Variants in DIAPH2 observed in about 807,000 individuals in gnomAD.
The protein encoded by DIAPH2 is diaphanous related formin 2, also known as protein diaphanous homolog 2.
DIAPH2 carries 35 observed loss-of-function variants against 92.7 expected under a neutral mutation model. The observed-to-expected ratio is 0.38, with a 90% CI of 0.29 to 0.50. The LOEUF (loss-of-function observed/expected upper bound fraction) is 0.50, where lower values mean the gene tolerates loss of function less well. DIAPH2 is among the 20% of genes least tolerant of loss of function. The pLI is 0.94. For missense variants in DIAPH2, 701 were observed against 819.5 expected, an observed-to-expected ratio of 0.86 and a Z score of 1.77; for synonymous variants, 301 against 280.4, an observed-to-expected ratio of 1.07 and a Z score of -0.73.
At chrX:97,436,481 C>A (rs1458675229) in intron 26 of DIAPH2, among the ~76,000 whole-genome samples, 1 of 111,745 alleles carries the variant, frequency 8.9e-6, no homozygotes, top group Non-Finnish European at 1.9e-5. Context: ...AGCAAGATAA[C>A]AGTATAAATG....
At chrX:97,047,783 A>G (rs1357870183) in intron 17 of DIAPH2, among the ~76,000 whole-genome samples, 1 of 108,961 alleles carries the variant, frequency 9.2e-6, no homozygotes, top group African/African-American at 3.3e-5. Context: ...ACTTTGTTCT[A>G]TGATTCTAAC....
intron 22 of DIAPH2, among the ~76,000 whole-genome samples, chrX:97,182,651 T>A (rs2067549271): frequency 8.9e-6 from 1 of 111,981 alleles, no homozygotes; most frequent in Non-Finnish European, 1.9e-5. Flanking sequence ...TATTTTTATG[T>A]GGCCAGGATA....
At chrX:96,858,082 G>A (rs945870391) in intron 4 of DIAPH2, among the ~76,000 whole-genome samples, 2 of 112,078 alleles carry the variant, frequency 1.8e-5, no homozygotes, top group Admixed American at 9.5e-5. Flanking sequence ...TTTATTGATA[G>A]AACAGTGATA....
chrX:96,709,530 A>G (rs936447122), intron 1 of DIAPH2, among the ~76,000 whole-genome samples: 2 of 112,006 alleles, frequency 1.8e-5, no homozygotes, highest in Non-Finnish European at 3.8e-5. Flanking sequence ...ATAGTAGAGA[A>G]TGCATTAAGG....
intron 23 of DIAPH2, among the ~76,000 whole-genome samples, chrX:97,342,796 G>C: frequency 8.9e-6 from 1 of 112,177 alleles, no homozygotes; most frequent in Non-Finnish European, 1.9e-5. Flanking sequence ...AAATAGGTCA[G>C]AGTAACAGTG....
At chrX:96,847,732 G>C (rs888647954) in intron 4 of DIAPH2, among the ~76,000 whole-genome samples, 5 of 110,814 alleles carry the variant, frequency 4.5e-5, no homozygotes, top group Admixed American at 2.9e-4. Context: ...TTGCCACCCA[G>C]GTAATAAGCA....
chrX:97,015,505 T>G (rs952709466), intron 17 of DIAPH2, among the ~76,000 whole-genome samples: 1 of 111,629 alleles, frequency 9.0e-6, no homozygotes, highest in African/African-American at 3.3e-5. Context: ...CTTCCAAGCT[T>G]CTTATAGTAG....
chrX:96,691,245 G>A (rs750874086), intron 1 of DIAPH2, among the ~76,000 whole-genome samples: 1 of 111,185 alleles, frequency 9.0e-6, no homozygotes, highest in South Asian at 3.8e-4. Flanking sequence ...AGAAGAAACC[G>A]GTTCCTTCTG....
chrX:97,436,529 C>T (rs1182128680), intron 26 of DIAPH2, among the ~76,000 whole-genome samples: 2 of 111,523 alleles, frequency 1.8e-5, no homozygotes, highest in Non-Finnish European at 3.8e-5. Context: ...AGATAGGGGA[C>T]AAGAAACAAT....
intron 23 of DIAPH2, among the ~76,000 whole-genome samples, chrX:97,269,756 T>A (rs11797133): frequency 0.46 from 47,913 of 105,251 alleles, 8,613 homozygotes; most frequent in Non-Finnish European, 0.57. Context: ...TTTTTATTTT[T>A]TTTTTTTTTT....
At chrX:97,352,121 T>C (rs2069221386) in intron 24 of DIAPH2, among the ~76,000 whole-genome samples, 1 of 110,994 alleles carries the variant, frequency 9.0e-6, no homozygotes, top group South Asian at 3.8e-4. Flanking sequence ...GGACTATAGA[T>C]GGAAGCAATA....
chrX:97,124,931 T>C (rs887747625), intron 21 of DIAPH2, among the ~76,000 whole-genome samples: 3 of 111,222 alleles, frequency 2.7e-5, no homozygotes, highest in Non-Finnish European at 5.7e-5. Flanking sequence ...GAAAGTTTTG[T>C]ATTAGGGGAA....
At chrX:96,925,870 G>C (rs2065577750) in intron 9 of DIAPH2, among the ~76,000 whole-genome samples, 1 of 111,291 alleles carries the variant, frequency 9.0e-6, no homozygotes, top group African/African-American at 3.3e-5. Flanking sequence ...TCATACCTTT[G>C]TACATGACTT....
intron 26 of DIAPH2, among the ~76,000 whole-genome samples, chrX:97,456,072 C>T (rs910062568): frequency 1.2e-4 from 14 of 112,243 alleles, no homozygotes; most frequent in African/African-American, 4.5e-4. Context: ...TACAGAAATG[C>T]TCATGTCCTC....
At chrX:97,127,589 CTTTG>C (rs906792601) in intron 21 of DIAPH2, among the ~76,000 whole-genome samples, 3 of 112,327 alleles carry the variant, frequency 2.7e-5, no homozygotes, top group Admixed American at 9.4e-5. Flanking sequence ...CTTCTTAGGA[CTTTG>C]TTTGTTGTAT....
chrX:97,147,362 ATTAATT>A (rs759948820), intron 22 of DIAPH2, among the ~76,000 whole-genome samples: 195 of 109,678 alleles, frequency 1.8e-3, no homozygotes, highest in Middle Eastern at 9.4e-3. Flanking sequence ...TTCCCCAATG[ATTAATT>A]TTAAAGTTTA....
intron 16 of DIAPH2, among the ~76,000 whole-genome samples, chrX:96,961,373 A>T (rs1364413810): frequency 2.2e-5 from 2 of 92,154 alleles, no homozygotes; most frequent in Non-Finnish European, 4.3e-5. Context: ...CTCCTCTTCC[A>T]TTTCTGATTC....
intron 21 of DIAPH2, among the ~76,000 whole-genome samples, chrX:97,116,833 T>C (rs2067020245): frequency 9.0e-6 from 1 of 111,693 alleles, no homozygotes; most frequent in Non-Finnish European, 1.9e-5. Flanking sequence ...CATTTATACA[T>C]AGGAACAAAA....
chrX:97,240,812 A>G (rs1279254212), intron 22 of DIAPH2, among the ~76,000 whole-genome samples: 4 of 111,415 alleles, frequency 3.6e-5, no homozygotes, highest in Admixed American at 9.6e-5. Flanking sequence ...TGTACTAGGT[A>G]TAATAATAAG....
Sources: allele counts gnomAD v4.1 joint callset (sites outside exome capture counted in the v4.1 genomes callset), GRCh38; gene constraint gnomAD v4.1.1; transcripts MANE v1.5; gene names NCBI Gene and HGNC (gene_info 2026-07-23, HGNC 2026-07-21).